The following CNTNAP2 variants were observed in gnomAD, a reference collection of about 807,000 sequenced individuals.
CNTNAP2 encodes contactin associated protein 2.
CNTNAP2 carries 98 observed loss-of-function variants against 155.2 expected under a neutral mutation model. The observed-to-expected ratio is 0.63, with a 90% confidence interval of 0.54 to 0.75. CNTNAP2 has a LOEUF of 0.75. Ranked by LOEUF, CNTNAP2 falls within the 30% of genes least tolerant of loss-of-function variation. The probability of loss-of-function intolerance (pLI) is 0.00; values close to 1 mark genes in which losing one functional copy is unlikely to be tolerated. For missense variants in CNTNAP2, 1,727 were observed against 1,688.1 expected (o/e 1.02, Z -0.40); for synonymous variants, 651 against 631.2 (o/e 1.03, Z -0.47).
At chr7:148,177,808 T>C (rs1359746719) in intron 18 of CNTNAP2, among the ~76,000 whole-genome samples, 2 of 152,178 alleles carry the variant, frequency 1.3e-5, no homozygotes, top group Non-Finnish European at 2.9e-5. Flanking sequence ...AGCTTTTTGA[T>C]TATTGTGATT....
intron 1 of CNTNAP2, among the ~76,000 whole-genome samples, chr7:146,410,602 T>C (rs935133708): frequency 4.6e-5 from 7 of 152,140 alleles, no homozygotes; most frequent in Non-Finnish European, 1.0e-4. Flanking sequence ...ATCACCTAGG[T>C]ATTAAGCCTG....
chr7:147,172,878 G>C (rs1194265251), intron 8 of CNTNAP2, among the ~76,000 whole-genome samples: 1 of 151,966 alleles, frequency 6.6e-6, no homozygotes, highest in African/African-American at 2.4e-5. Flanking sequence ...TGCATTGTTT[G>C]GTATATTTAA....
rs1801993402 is a variant in CNTNAP2 at position 147,159,857 on chromosome 7, AG to A, written c.1348+27349del. Among the ~76,000 whole-genome samples, 5 of 152,278 alleles carry A rather than the reference AG, an allele frequency of 3.3e-5. No individual in the cohort carries two copies. The South Asian group carries it at 8.3e-4, about 25-fold the overall frequency. ...CCGAAACTGATAAATCTTCAAATAA[AG>A]TGCAGAAACCTTAATTAAGAAATTG... On this transcript the variant is annotated intron_variant, in intron 8 of 23. Coordinates refer to ENST00000361727, the MANE Select transcript of CNTNAP2 (RefSeq NM_014141.6).
intron 8 of CNTNAP2, among the ~76,000 whole-genome samples, chr7:147,152,104 C>A (rs985375243): frequency 4.6e-5 from 7 of 152,058 alleles, no homozygotes; most frequent in Non-Finnish European, 7.4e-5. Flanking sequence ...CTGACATAGC[C>A]AATACCCAGC....
chr7:147,690,686 T>C (rs897955751), intron 13 of CNTNAP2, among the ~76,000 whole-genome samples: 2 of 152,044 alleles, frequency 1.3e-5, no homozygotes, highest in African/African-American at 4.8e-5. Context: ...GGAGTCACAG[T>C]TTTTATGTAT....
intron 1 of CNTNAP2, among the ~76,000 whole-genome samples, chr7:146,599,743 GAGAT>G (rs60717424): frequency 6.9e-4 from 100 of 145,706 alleles, no homozygotes; most frequent in Middle Eastern, 7.1e-3. Flanking sequence ...ACGACAGACA[GAGAT>G]AGATAGATAG....
At chr7:148,400,120 G>A (rs936496123) in intron 22 of CNTNAP2, among the ~76,000 whole-genome samples, 2 of 152,210 alleles carry the variant, frequency 1.3e-5, no homozygotes, top group African/African-American at 4.8e-5. Context: ...ATCTCAGACT[G>A]AGATAGAAAT....
At chr7:146,119,736 AG>A (rs1271448987) in intron 1 of CNTNAP2, among the ~76,000 whole-genome samples, 1 of 152,152 alleles carries the variant, frequency 6.6e-6, no homozygotes, top group African/African-American at 2.4e-5. Flanking sequence ...TCTCTCATAA[AG>A]GCCAATTTAC....
At chr7:147,173,330 T>C (rs1294390293) in intron 8 of CNTNAP2, among the ~76,000 whole-genome samples, 2 of 152,116 alleles carry the variant, frequency 1.3e-5, no homozygotes, top group Admixed American at 1.3e-4. Context: ...CCAGATGCCA[T>C]TGCCATTTTA....
At chr7:148,200,105 G>A (rs1191712060) in intron 18 of CNTNAP2, among the ~76,000 whole-genome samples, 3 of 152,102 alleles carry the variant, frequency 2.0e-5, no homozygotes, top group Admixed American at 6.5e-5. Context: ...CTATTCAGTC[G>A]ACTGACTGAG....
At chr7:146,670,756 C>T (rs944287378) in intron 1 of CNTNAP2, among the ~76,000 whole-genome samples, 12 of 152,140 alleles carry the variant, frequency 7.9e-5, no homozygotes, top group Non-Finnish European at 1.5e-4. Context: ...CCATCTTTCA[C>T]AGCCAAGGGA....
At chr7:147,363,628 A>G (rs1471598743) in intron 9 of CNTNAP2, among the ~76,000 whole-genome samples, 1 of 152,232 alleles carries the variant, frequency 6.6e-6, no homozygotes, top group Non-Finnish European at 1.5e-5. Context: ...ACTCTTTGAT[A>G]AAGCATATAT....
At chr7:147,599,440 A>G (rs1174565533) in intron 12 of CNTNAP2, among the ~76,000 whole-genome samples, 3 of 149,714 alleles carry the variant, frequency 2.0e-5, no homozygotes. Context: ...CCAAGATGGC[A>G]CCATTGCACT....
intron 3 of CNTNAP2, among the ~76,000 whole-genome samples, chr7:146,972,454 A>G (rs994315185): frequency 7.9e-5 from 12 of 152,208 alleles, no homozygotes; most frequent in African/African-American, 2.9e-4. Flanking sequence ...CAAGTATGTT[A>G]TATGTACAGA....
chr7:147,132,530 A>G (rs776037369), intron 8 of CNTNAP2, 21 bp downstream of exon 8: 5 of 1,613,116 alleles, frequency 3.1e-6, no homozygotes, highest in East Asian at 2.2e-5. Flanking sequence ...CCTATTTGAC[A>G]TTTGTTCCTG....
intron 13 of CNTNAP2, among the ~76,000 whole-genome samples, chr7:147,854,509 A>C (rs887447975): frequency 6.6e-6 from 1 of 152,108 alleles, no homozygotes; most frequent in Non-Finnish European, 1.5e-5. Flanking sequence ...ACATGAAGTC[A>C]TTACAGTATC....
chr7:146,556,985 T>C (rs1798208282), intron 1 of CNTNAP2, among the ~76,000 whole-genome samples: 1 of 152,092 alleles, frequency 6.6e-6, no homozygotes, highest in South Asian at 2.1e-4. Context: ...GAAATAACCC[T>C]TTTAAAGTTG....
intron 14 of CNTNAP2, among the ~76,000 whole-genome samples, chr7:147,961,205 T>C (rs903774830): frequency 1.3e-5 from 2 of 152,126 alleles, no homozygotes; most frequent in Middle Eastern, 3.2e-3. Flanking sequence ...CAACATTATA[T>C]CTCTTTTTAT....
chr7:147,131,056 G>GTATATATATGTA (rs754557239), intron 7 of CNTNAP2, among the ~76,000 whole-genome samples: 1 of 145,376 alleles, frequency 6.9e-6, no homozygotes, highest in Non-Finnish European at 1.5e-5. Flanking sequence ...ATATATATGT[G>GTATATATATGTA]TATATATATG....
Sources: allele counts gnomAD v4.1 joint callset (sites outside exome capture counted in the v4.1 genomes callset), GRCh38; gene constraint gnomAD v4.1.1; transcripts MANE v1.5; gene names NCBI Gene and HGNC (gene_info 2026-07-23, HGNC 2026-07-21).